The following AKR1D1 variants were observed in gnomAD, a reference collection of about 807,000 sequenced individuals.
The protein encoded by AKR1D1 is delta(4)-3-ketosteroid 5-beta-reductase.
AKR1D1 carries 32 observed loss-of-function variants against 42.6 expected under a neutral mutation model. That is an observed-to-expected ratio of 0.75 (90% confidence interval 0.57 to 1.01). The LOEUF is 1.01. Among genes scored for constraint, AKR1D1 ranks in the 50% least tolerant of loss-of-function variants. The pLI is 0.00. For synonymous variants in AKR1D1, 123 were observed against 135.5 expected (o/e 0.91, Z 0.64); for missense variants, 364 against 402.2 (o/e 0.91, Z 0.81).
intron 7 of AKR1D1, among the ~76,000 whole-genome samples, chr7:138,113,378 A>T (rs1794571356): frequency 6.6e-6 from 1 of 152,192 alleles, no homozygotes; most frequent in Non-Finnish European, 1.5e-5. Flanking sequence ...AGTAGTTCAG[A>T]ATCAAAAGAC....
At chr7:138,106,758 G>A (rs1562937735) in intron 6 of AKR1D1, 41 bp downstream of exon 6, 5 of 1,471,910 alleles carry the variant, frequency 3.4e-6, no homozygotes, top group African/African-American at 1.4e-5. Flanking sequence ...GGTGTAGAGT[G>A]TGAGGCTCAT....
intron 1 of AKR1D1, among the ~76,000 whole-genome samples, chr7:138,084,303 C>A (rs1454428744): frequency 2.9e-5 from 4 of 135,828 alleles, no homozygotes; most frequent in African/African-American, 1.1e-4. Flanking sequence ...TGCTCCAACA[C>A]CCAGGCTGAA....
chr7:138,102,150 G>A (rs1585735473), intron 4 of AKR1D1, among the ~76,000 whole-genome samples: 1 of 152,186 alleles, frequency 6.6e-6, no homozygotes, highest in African/African-American at 2.4e-5. Flanking sequence ...GGCGGAGGTT[G>A]CAGTGAGCCG....
Position 138,116,699 on chromosome 7 carries a change from G to A in AKR1D1, c.*37G>A, listed in dbSNP as rs764480001. The A allele has an allele frequency of 1.9e-6, 3 of 1,593,858 alleles. No individual in the cohort carries two copies. Among genetic ancestry groups the A allele is most frequent in the East Asian group, 4.5e-5 (2 of 44,798 alleles). On this transcript the variant is annotated 3_prime_UTR_variant, in exon 9 of 9. Transcript: ENST00000242375. Reference sequence around the variant, plus strand: ...TCCTGAACAGATTTTTCACTCCCACGAGTGCCAAGACGGTGCAATGGGTAG... The same window carrying A: ...TCCTGAACAGATTTTTCACTCCCACAAGTGCCAAGACGGTGCAATGGGTAG...
chr7:138,077,719 G>C (rs1285005372), intron 1 of AKR1D1, among the ~76,000 whole-genome samples: 1 of 152,206 alleles, frequency 6.6e-6, no homozygotes, highest in African/African-American at 2.4e-5. Context: ...GGTCATGTAT[G>C]AATGAACTAT....
chr7:138,092,314 C>A (rs1410246644), intron 3 of AKR1D1, among the ~76,000 whole-genome samples: 1 of 152,198 alleles, frequency 6.6e-6, no homozygotes, highest in African/African-American at 2.4e-5. Context: ...ACCCTTCTTC[C>A]CACTCACACA....
chr7:138,101,489 C>T (rs899769379), intron 4 of AKR1D1, among the ~76,000 whole-genome samples: 96 of 152,186 alleles, frequency 6.3e-4, no homozygotes, highest in Non-Finnish European at 1.1e-3. Context: ...TGAGCCACCG[C>T]GCCCGGCAAC....
At chr7:138,078,812 G>C (rs944722821) in intron 1 of AKR1D1, among the ~76,000 whole-genome samples, 1 of 152,164 alleles carries the variant, frequency 6.6e-6, no homozygotes, top group Non-Finnish European at 1.5e-5. Flanking sequence ...TGTAGTTGCA[G>C]CAAGTTTTCA....
In AKR1D1 at chr7:138,091,647, T is replaced by G. The variant is rs1167515513; in HGVS notation, c.262-121T>G. On this transcript the variant is annotated intron_variant, in intron 2 of 8. Coordinates refer to ENST00000242375, the MANE Select transcript of AKR1D1 (RefSeq NM_005989.4). Reference sequence around the variant, plus strand: ...GAGTTAAAGACCAGCCTGGGCAACATAGTGAGACCCCCCATCTCAAAAAAA... The same window carrying G: ...GAGTTAAAGACCAGCCTGGGCAACAGAGTGAGACCCCCCATCTCAAAAAAA... The G allele has an allele frequency of 5.4e-6, 4 of 734,912 alleles. No individual in the cohort carries two copies. The Admixed American group carries it at 8.1e-5, about 15-fold the overall frequency. The allele number at this position is 734,912 out of a possible 1,614,324, so 45.5% of individuals were successfully genotyped here.
At chr7:138,109,653 T>G (rs906382627) in intron 7 of AKR1D1, among the ~76,000 whole-genome samples, 1 of 152,224 alleles carries the variant, frequency 6.6e-6, no homozygotes, top group African/African-American at 2.4e-5. Flanking sequence ...GGCGAAAAGA[T>G]GCTGAATAGT....
chr7:138,085,592 C>T (rs1026378112), intron 1 of AKR1D1, among the ~76,000 whole-genome samples: 4 of 151,680 alleles, frequency 2.6e-5, no homozygotes, highest in African/African-American at 9.7e-5. Context: ...TTACAGGTGT[C>T]TACCACCACG....
intron 2 of AKR1D1, among the ~76,000 whole-genome samples, chr7:138,089,811 AG>A (rs1345533556): frequency 6.6e-6 from 1 of 152,210 alleles, no homozygotes; most frequent in African/African-American, 2.4e-5. Context: ...TTGCCTCATC[AG>A]GACTGTCTTC....
chr7:138,086,991 T>G (rs1006756909), intron 1 of AKR1D1, among the ~76,000 whole-genome samples: 1 of 152,248 alleles, frequency 6.6e-6, no homozygotes, highest in Admixed American at 6.5e-5. Flanking sequence ...CCATCATAAC[T>G]GAGGCATAGG....
rs10264216 is a variant in AKR1D1, at chr7:138,078,755, G to T, written c.93+2144G>T. Among the ~76,000 whole-genome samples, 831 of 152,340 alleles carry T rather than the reference G, an allele frequency of 5.5e-3. 10 individuals carry two copies. Among genetic ancestry groups the T allele is most frequent in the African/African-American group, 0.019 (776 of 41,576 alleles). On this transcript the variant is annotated intron_variant, in intron 1 of 8. Coordinates refer to ENST00000242375, the MANE Select transcript of AKR1D1 (RefSeq NM_005989.4). ...CTATGGAGAAGGCATGGCCTAGAAA[G>T]TTAGGTGGGGGAATATTCCTTCCTG...
At chr7:138,095,198 C>T (rs1399006950) in intron 3 of AKR1D1, among the ~76,000 whole-genome samples, 3 of 152,046 alleles carry the variant, frequency 2.0e-5, no homozygotes, top group Non-Finnish European at 4.4e-5. Context: ...AATCACGTAA[C>T]AGAATTCATG....
chr7:138,086,415 CCAAA>C (rs1257164123), intron 1 of AKR1D1, among the ~76,000 whole-genome samples: 1 of 152,090 alleles, frequency 6.6e-6, no homozygotes, highest in African/African-American at 2.4e-5. Context: ...ATTTAATTAA[CCAAA>C]CAAATATTTC....
At chr7:138,102,548 G>T (rs1038578000) in intron 4 of AKR1D1, among the ~76,000 whole-genome samples, 4 of 152,126 alleles carry the variant, frequency 2.6e-5, no homozygotes, top group African/African-American at 9.7e-5. Context: ...CAGTGACAGA[G>T]CAAGACTCCA....
chr7:138,077,013 G>A (rs975037232), intron 1 of AKR1D1, among the ~76,000 whole-genome samples: 6 of 152,106 alleles, frequency 3.9e-5, no homozygotes, highest in Non-Finnish European at 7.3e-5. Flanking sequence ...GGCGATAGAA[G>A]TGTCATATAT....
chr7:138,098,048 G>T, intron 4 of AKR1D1, 105 bp downstream of exon 4: 1 of 918,822 alleles, frequency 1.1e-6, no homozygotes. Flanking sequence ...TACTTTCAAT[G>T]AAAAGTAACA....
Sources: gnomAD v4.1 joint callset for allele counts (sites outside exome capture counted in the v4.1 genomes callset) on GRCh38, gnomAD v4.1.1 for gene constraint, MANE v1.5 for transcripts, NCBI Gene and HGNC (gene_info 2026-07-23, HGNC 2026-07-21) for gene names.